The following EXOC1 variants were observed in gnomAD, a reference collection of about 807,000 sequenced individuals.
EXOC1 encodes the protein SEC3-like 1.
Under a neutral mutation model 107.7 loss-of-function variants are expected in EXOC1, and 67 were observed. That is an observed-to-expected ratio of 0.62 (90% CI 0.51 to 0.76). The LOEUF (loss-of-function observed/expected upper bound fraction) is 0.76, where lower values mean the gene tolerates loss of function less well. EXOC1 is among the 30% of genes least tolerant of loss of function. The pLI is 0.00. For synonymous variants in EXOC1, 348 were observed against 353.5 expected, an observed-to-expected ratio of 0.98 and a Z score of 0.17; for missense variants, 833 against 1,055.7, an observed-to-expected ratio of 0.79 and a Z score of 2.92.
chr4:55,893,489 G>C (rs1724825229), intron 14 of EXOC1, 63 bp from the exon 15 acceptor site: 1 of 1,432,264 alleles, frequency 7.0e-7, no homozygotes, highest in African/African-American at 1.4e-5. Flanking sequence ...GTGGATTAAA[G>C]TTAACGGTGA....
At chr4:55,876,106 G>A in intron 8 of EXOC1, 2 of 984,874 alleles carry the variant, frequency 2.0e-6, no homozygotes, top group African/African-American at 1.7e-5. Context: ...ATAGTCCAAT[G>A]GTAATGCCTG....
chr4:55,854,138 G>A lies in EXOC1; in HGVS notation c.-11+185G>A, dbSNP rs115557383. ...TGGTCCAGGAGAGGAGAGCGTGACT[G>A]TGCCTTCCTCTTTGTCCAAATTCAC... is the stretch of plus-strand genomic sequence containing the variant. On this transcript the variant is annotated intron_variant, in intron 1 of 18. Transcript: ENST00000381295. Among the ~76,000 whole-genome samples the A allele has an allele frequency of 7.7e-3, 1,171 of 152,200 alleles. 6 individuals are homozygous for A. The highest frequency in any genetic ancestry group is 0.026 in the African/African-American group (1,096 of 41,498).
At chr4:55,877,084 A>C (rs1172275705) in intron 8 of EXOC1, 27 of 977,726 alleles carry the variant, frequency 2.8e-5, no homozygotes, top group African/African-American at 3.5e-5. Context: ...TATATAGTAC[A>C]GTATATAAAT....
At position 55,894,614 on chromosome 4, in the gene EXOC1, C is replaced by CTTTTTTTTTTTTTT. The variant is rs772700227; in HGVS notation, c.1953+846_1953+859dup. Among the ~76,000 whole-genome samples, 8 of 76,130 alleles carry CTTTTTTTTTTTTTT rather than the reference C, an allele frequency of 1.1e-4. 1 individual carries two copies. Among genetic ancestry groups the CTTTTTTTTTTTTTT allele is most frequent in the East Asian group, 4.7e-4 (1 of 2,130 alleles). The allele number at this position is 76,130 out of a possible 152,430, so 49.9% of individuals were successfully genotyped here. ...TTGACAACTTTCTTACTATCTGTTA[C>CTTTTTTTTTTTTTT]TTTTTTTTTTTTTTTTTTTTTTTTT... On this transcript the variant is annotated intron_variant, in intron 15 of 18. Transcript: ENST00000381295.
intron 3 of EXOC1, among the ~76,000 whole-genome samples, chr4:55,862,989 C>T (rs1938816951): frequency 6.6e-6 from 1 of 152,150 alleles, no homozygotes. Context: ...CAGCCTCCAC[C>T]TTCCGGGCTC....
At chr4:55,887,049 A>T (rs1301373293) in intron 10 of EXOC1, among the ~76,000 whole-genome samples, 1 of 152,112 alleles carries the variant, frequency 6.6e-6, no homozygotes, top group Non-Finnish European at 1.5e-5. Flanking sequence ...TTCCCACAGG[A>T]TTGATGTTTC....
intron 15 of EXOC1, 46 bp downstream of exon 15, chr4:55,893,826 C>A: frequency 1.4e-6 from 2 of 1,416,090 alleles, no homozygotes; most frequent in Non-Finnish European, 2.0e-6. Flanking sequence ...CTAGTCATTG[C>A]AAAATATAGG....
intron 4 of EXOC1, among the ~76,000 whole-genome samples, chr4:55,865,670 C>A (rs1721892479): frequency 6.6e-6 from 1 of 151,908 alleles, no homozygotes; most frequent in Non-Finnish European, 1.5e-5. Flanking sequence ...TTATGCATTT[C>A]CAGATGTTAT....
intron 8 of EXOC1, among the ~76,000 whole-genome samples, chr4:55,875,069 A>G (rs1722767314): frequency 1.3e-5 from 2 of 152,182 alleles, no homozygotes; most frequent in Non-Finnish European, 2.9e-5. Flanking sequence ...CTTAGAGAAA[A>G]TGAAAATAAA....
intron 16 of EXOC1, among the ~76,000 whole-genome samples, chr4:55,898,941 G>A (rs766787041): frequency 1.3e-5 from 2 of 151,988 alleles, no homozygotes; most frequent in African/African-American, 2.4e-5. Context: ...GAATTACTGG[G>A]TCAAAGGATT....
rs1724726296 is a variant in EXOC1 at position 55,892,815 on chromosome 4, A to C, written c.1724+104A>C. On this transcript the variant is annotated intron_variant, in intron 14 of 18. Transcript: ENST00000381295. ...AGATGTTTCTCAGTAGCCTGACAGC[A>C]CTCACAGTACCAGCATGTGTGTCCA... is the stretch of plus-strand genomic sequence containing the variant. 3 of 1,001,550 alleles carry C rather than the reference A, an allele frequency of 3.0e-6. No homozygotes were observed. The Admixed American group carries it at 5.4e-5, about 18-fold the overall frequency. 62.0% of individuals were successfully genotyped at this position (1,001,550 alleles called of 1,614,324 possible).
At chr4:55,876,076 T>C (rs1722870461) in intron 8 of EXOC1, 2 of 984,822 alleles carry the variant, frequency 2.0e-6, no homozygotes, top group Non-Finnish European at 2.4e-6. Flanking sequence ...TATTGACCTT[T>C]GGCAACATAG....
chr4:55,892,139 TAG>T (rs1333162553), intron 13 of EXOC1, among the ~76,000 whole-genome samples: 4 of 152,226 alleles, frequency 2.6e-5, no homozygotes, highest in African/African-American at 7.2e-5. Context: ...ATAAATGGTT[TAG>T]AGTGTTCATT....
chr4:55,894,162 C>T (rs140870814), intron 15 of EXOC1, among the ~76,000 whole-genome samples: 12,752 of 151,788 alleles, frequency 0.084, 632 homozygotes, highest in African/African-American at 0.12. Flanking sequence ...CCATCTCTAC[C>T]AAAAATACAA....
intron 2 of EXOC1, among the ~76,000 whole-genome samples, chr4:55,859,204 A>G (rs1452005096): frequency 6.6e-6 from 1 of 152,178 alleles, no homozygotes; most frequent in Non-Finnish European, 1.5e-5. Flanking sequence ...TTTTGAACCT[A>G]TAGTTCAATT....
At chr4:55,876,028 C>T in intron 8 of EXOC1, 13 of 983,062 alleles carry the variant, frequency 1.3e-5, no homozygotes, top group Non-Finnish European at 1.6e-5. Flanking sequence ...ATCCTTCTGG[C>T]ATCTTGGTTA....
At position 55,899,886 on chromosome 4, in the gene EXOC1, TA is replaced by T. The variant is rs1181565242; in HGVS notation, c.2337+5del. 6.3e-7 allele frequency: 1 copy of T among 1,595,570 alleles called. No homozygotes were observed. The highest frequency in any genetic ancestry group is 8.6e-7 in the Non-Finnish European group (1 of 1,169,520). ...GGACAACCTCTTGAAAAACTAAATG[TA>T]AATATATTTTCATTCAGTATTTTTC... is the stretch of plus-strand genomic sequence containing the variant. On this transcript the variant is annotated splice_donor_region_variant and intron_variant, in intron 17 of 18. Coordinates refer to ENST00000381295, the MANE Select transcript of EXOC1 (RefSeq NM_001024924.2).
intron 17 of EXOC1, among the ~76,000 whole-genome samples, chr4:55,901,097 T>C (rs1400091739): frequency 6.6e-6 from 1 of 152,158 alleles, no homozygotes; most frequent in Non-Finnish European, 1.5e-5. Flanking sequence ...AGCAGAAATA[T>C]TGTTAGATCC....
chr4:55,872,817 A>G lies in EXOC1; in HGVS notation c.1074+859A>G, dbSNP rs1722565940. Reference sequence around the variant, plus strand: ...ACTTTCTTTCGGTTCCTGTGAGTACATCAAATTTGGCTCAAGCTTCTCTGA... The same window carrying G: ...ACTTTCTTTCGGTTCCTGTGAGTACGTCAAATTTGGCTCAAGCTTCTCTGA... On this transcript the variant is annotated intron_variant, in intron 8 of 18. Transcript: ENST00000381295. The G allele has an allele frequency of 2.7e-5, 26 of 975,420 alleles. No individual in the cohort carries two copies. In the South Asian group the frequency reaches 6.6e-4, roughly 25 times the overall value. The allele number at this position is 975,420 out of a possible 1,614,324, so 60.4% of individuals were successfully genotyped here. A position where few individuals can be genotyped will look rare whatever the true frequency, so the allele number is the denominator to read the frequency against.
Sources: allele counts gnomAD v4.1 joint callset (sites outside exome capture counted in the v4.1 genomes callset), GRCh38; gene constraint gnomAD v4.1.1; transcripts MANE v1.5; gene names NCBI Gene and HGNC (gene_info 2026-07-23, HGNC 2026-07-21).